Variants in INPP4B observed in about 807,000 individuals in gnomAD.
INPP4B encodes inositol polyphosphate 4-phosphatase type II.
INPP4B carries 55 observed loss-of-function variants against 122.5 expected under a neutral mutation model. That is an observed-to-expected ratio of 0.45 (90% CI 0.36 to 0.56). The LOEUF is 0.56. Among genes scored for constraint, INPP4B ranks in the 20% least tolerant of loss-of-function variants. The pLI is 0.00. For missense variants in INPP4B, 1,000 were observed against 1,097.7 expected, an observed-to-expected ratio of 0.91 and a Z score of 1.26; for synonymous variants, 403 against 388.7, an observed-to-expected ratio of 1.04 and a Z score of -0.43.
chr4:142,752,959 C>G (rs760579138), intron 1 of INPP4B, among the ~76,000 whole-genome samples: 1 of 152,124 alleles, frequency 6.6e-6, no homozygotes, highest in Non-Finnish European at 1.5e-5. Flanking sequence ...CATTGAGTGA[C>G]GATCTATAGA....
chr4:142,108,755 A>C (rs987509838), intron 22 of INPP4B, among the ~76,000 whole-genome samples: 1 of 152,136 alleles, frequency 6.6e-6, no homozygotes, highest in African/African-American at 2.4e-5. Context: ...CTGTACACGT[A>C]GTCTTCCACC....
At chr4:142,837,755 T>C (rs1275083474) in intron 1 of INPP4B, among the ~76,000 whole-genome samples, 1 of 152,104 alleles carries the variant, frequency 6.6e-6, no homozygotes, top group Non-Finnish European at 1.5e-5. Context: ...GGAAAGCAAT[T>C]TGGTAATATG....
intron 1 of INPP4B, among the ~76,000 whole-genome samples, chr4:142,746,748 C>T (rs187861664): frequency 6.6e-6 from 1 of 152,184 alleles, no homozygotes; most frequent in African/African-American, 2.4e-5. Context: ...CTTTGACAAA[C>T]CTGACAAAAA....
rs557979557 is a variant in INPP4B, at chr4:142,050,249, T to C, written c.2643-21335A>G. Among the ~76,000 whole-genome samples, 37 of 152,146 alleles carry C rather than the reference T, an allele frequency of 2.4e-4. 1 individual carries two copies. In the South Asian group the frequency reaches 7.5e-3, roughly 31 times the overall value. ...AAATGAGATTCCAAACTTAATCTAA[T>C]AGTTATCTAAAACATGCTTATGTAG... is the stretch of plus-strand genomic sequence containing the variant. On this transcript the variant is annotated intron_variant, in intron 25 of 25. Transcript: ENST00000262992.
intron 25 of INPP4B, among the ~76,000 whole-genome samples, chr4:142,033,535 A>T (rs922150051): frequency 6.6e-6 from 1 of 152,158 alleles, no homozygotes; most frequent in African/African-American, 2.4e-5. Context: ...AGGAACCTCT[A>T]GAGGTCATTC....
intron 1 of INPP4B, among the ~76,000 whole-genome samples, chr4:142,797,243 G>A (rs547614084): frequency 2.6e-5 from 4 of 152,072 alleles, no homozygotes; most frequent in Admixed American, 2.0e-4. Flanking sequence ...ATGTCACACA[G>A]TAAGTGACTG....
At chr4:142,173,564 C>A in intron 16 of INPP4B, 68 bp downstream of exon 16, 1 of 1,369,264 alleles carries the variant, frequency 7.3e-7, no homozygotes, top group South Asian at 1.3e-5. Context: ...GCGATGTATG[C>A]AGAAAGCCAG....
intron 7 of INPP4B, among the ~76,000 whole-genome samples, chr4:142,357,835 G>C (rs2148484829): frequency 6.6e-6 from 1 of 152,038 alleles, no homozygotes; most frequent in Admixed American, 6.6e-5. Context: ...TTGCATTATT[G>C]TGGATATACA....
intron 2 of INPP4B, among the ~76,000 whole-genome samples, chr4:142,509,909 C>A (rs544204415): frequency 6.6e-6 from 1 of 152,118 alleles, no homozygotes; most frequent in South Asian, 2.1e-4. Context: ...TCATACAAAG[C>A]AACATTAAGA....
intron 3 of INPP4B, among the ~76,000 whole-genome samples, chr4:142,443,745 T>C (rs1476766066): frequency 6.6e-6 from 1 of 150,760 alleles, no homozygotes; most frequent in African/African-American, 2.4e-5. Context: ...AAGTAGAGAG[T>C]GGAGAGTGGA....
intron 25 of INPP4B, chr4:142,030,155 C>G: frequency 6.5e-7 from 1 of 1,535,070 alleles, no homozygotes; most frequent in Non-Finnish European, 8.7e-7. Flanking sequence ...AGAGTAACGC[C>G]AGACTTAAAA....
chr4:142,775,878 T>A (rs765746129), intron 1 of INPP4B, among the ~76,000 whole-genome samples: 1 of 152,154 alleles, frequency 6.6e-6, no homozygotes, highest in Non-Finnish European at 1.5e-5. Flanking sequence ...ATGCTCCTAT[T>A]CATATTTGGT....
chr4:142,588,667 A>C (rs10014859), intron 2 of INPP4B, among the ~76,000 whole-genome samples: 2,135 of 151,630 alleles, frequency 0.014, 41 homozygotes, highest in African/African-American at 0.041. Flanking sequence ...GAAAACTATA[A>C]AAATCTGATG....
At chr4:142,270,614 G>T in intron 10 of INPP4B, 49 bp downstream of exon 10, 1 of 1,274,796 alleles carries the variant, frequency 7.8e-7, no homozygotes, top group Non-Finnish European at 1.1e-6. Context: ...ATCTGGCAAA[G>T]CTGATCATTT....
intron 9 of INPP4B, among the ~76,000 whole-genome samples, chr4:142,302,949 A>G (rs1762024898): frequency 6.6e-6 from 1 of 152,176 alleles, no homozygotes; most frequent in Admixed American, 6.5e-5. Context: ...TTCGCATTTA[A>G]CTAAAGGTGA....
At chr4:142,467,138 C>T (rs557397149) in intron 2 of INPP4B, among the ~76,000 whole-genome samples, 6 of 152,294 alleles carry the variant, frequency 3.9e-5, no homozygotes, top group African/African-American at 1.4e-4. Context: ...ACAAAGAGTC[C>T]CCACCAGGGC....
chr4:142,405,825 A>G (rs577125645), intron 5 of INPP4B, among the ~76,000 whole-genome samples: 7 of 152,080 alleles, frequency 4.6e-5, no homozygotes, highest in Non-Finnish European at 1.0e-4. Context: ...AGAAACAAGG[A>G]GAGCAGTTTC....
chr4:142,165,929 G>A (rs759138164), intron 16 of INPP4B, among the ~76,000 whole-genome samples: 3 of 151,596 alleles, frequency 2.0e-5, no homozygotes, highest in Admixed American at 6.6e-5. Flanking sequence ...GGTGGCTAAG[G>A]GCATCTCATG....
chr4:142,302,044 T>C (rs1761639687), intron 9 of INPP4B, among the ~76,000 whole-genome samples: 1 of 152,132 alleles, frequency 6.6e-6, no homozygotes, highest in Non-Finnish European at 1.5e-5. Flanking sequence ...TCCCAAAAAT[T>C]ACATCAGGTT....
Sources: allele counts gnomAD v4.1 joint callset (sites outside exome capture counted in the v4.1 genomes callset), GRCh38; gene constraint gnomAD v4.1.1; transcripts MANE v1.5; gene names NCBI Gene and HGNC (gene_info 2026-07-23, HGNC 2026-07-21).